The following SYT17 variants were observed in gnomAD, a reference collection of about 807,000 sequenced individuals.
The protein encoded by SYT17 is synaptotagmin-17.
SYT17 carries 22 observed loss-of-function variants against 46.7 expected under a neutral mutation model. The observed-to-expected ratio is 0.47, with a 90% CI of 0.34 to 0.67. The LOEUF (loss-of-function observed/expected upper bound fraction) is 0.67, where lower values mean the gene tolerates loss of function less well. SYT17 is among the 30% of genes least tolerant of loss of function. SYT17 has a pLI of 0.01. For missense variants in SYT17, 519 were observed against 612.8 expected (o/e 0.85, Z 1.62); for synonymous variants, 251 against 248.4 (o/e 1.01, Z -0.10).
intron 7 of SYT17, among the ~76,000 whole-genome samples, chr16:19,247,403 T>C (rs1967657124): frequency 6.6e-6 from 1 of 152,304 alleles, no homozygotes; most frequent in African/African-American, 2.4e-5. Flanking sequence ...TACATGTTGG[T>C]CAATTTTGAT....
intron 1 of SYT17, chr16:19,172,268 A>G: frequency 8.9e-7 from 1 of 1,128,640 alleles, no homozygotes; most frequent in Non-Finnish European, 1.1e-6. Flanking sequence ...GAAACACCCC[A>G]CCATCACCAT....
chr16:19,211,903 G>C (rs1465274181), intron 5 of SYT17, among the ~76,000 whole-genome samples: 1 of 152,158 alleles, frequency 6.6e-6, no homozygotes, highest in Non-Finnish European at 1.5e-5. Context: ...TGGGATTACA[G>C]GTGTGAGCCA....
chr16:19,241,403 A>G (rs1367362832), intron 7 of SYT17, among the ~76,000 whole-genome samples: 2 of 151,648 alleles, frequency 1.3e-5, no homozygotes, highest in Non-Finnish European at 2.9e-5. Flanking sequence ...CTGCAGCTGT[A>G]GCTAGGTGGC....
intron 5 of SYT17, among the ~76,000 whole-genome samples, chr16:19,189,479 C>G (rs1293752830): frequency 6.6e-6 from 1 of 152,152 alleles, no homozygotes; most frequent in South Asian, 2.1e-4. Flanking sequence ...TGGCTGGGAC[C>G]ATGTGGTACC....
intron 5 of SYT17, among the ~76,000 whole-genome samples, chr16:19,189,720 A>G (rs796438064): frequency 1.3e-5 from 2 of 152,228 alleles, no homozygotes; most frequent in South Asian, 4.1e-4. Context: ...TGGAATGGAA[A>G]GGAGAGGAGG....
chr16:19,216,326 C>T (rs929910864), intron 5 of SYT17, among the ~76,000 whole-genome samples: 1 of 151,886 alleles, frequency 6.6e-6, no homozygotes, highest in Non-Finnish European at 1.5e-5. Flanking sequence ...GTGCTTCAGT[C>T]TGTCTTGGGT....
chr16:19,207,056 A>G (rs1395517630), intron 5 of SYT17, among the ~76,000 whole-genome samples: 2 of 152,162 alleles, frequency 1.3e-5, no homozygotes, highest in African/African-American at 4.8e-5. Context: ...TTAGTTCTGC[A>G]CAAGAGCTGG....
At chr16:19,257,270 G>A (rs543728457) in intron 7 of SYT17, among the ~76,000 whole-genome samples, 1 of 152,094 alleles carries the variant, frequency 6.6e-6, no homozygotes, top group African/African-American at 2.4e-5. Flanking sequence ...CTTAAGTCAT[G>A]GATGAAACTT....
At chr16:19,232,839 T>TAAAG (rs1555461042) in intron 7 of SYT17, among the ~76,000 whole-genome samples, 2 of 150,116 alleles carry the variant, frequency 1.3e-5, no homozygotes, top group African/African-American at 4.9e-5. Context: ...CTCAAAAACA[T>TAAAG]AAACAAACAA....
chr16:19,180,622 T>C (rs1387474035), intron 4 of SYT17, 83 bp downstream of exon 4: 4 of 1,554,384 alleles, frequency 2.6e-6, no homozygotes, highest in Non-Finnish European at 3.5e-6. Context: ...AAGGGCAGTG[T>C]TATTGCTGGG....
chr16:19,223,243 C>T lies in SYT17; in HGVS notation c.1072+78C>T. On this transcript the variant is annotated intron_variant, in intron 6 of 7. Coordinates refer to ENST00000355377, the MANE Select transcript of SYT17 (RefSeq NM_016524.4). ...GTGTGGAGAACCCAGTTTTCTTTTT[C>T]CGTATCCTGGATGAGCATTACTCAT... 3 of 1,554,662 alleles carry T rather than the reference C, an allele frequency of 1.9e-6. No individual in the cohort carries two copies. The South Asian group carries it at 3.6e-5, about 18-fold the overall frequency.
chr16:19,172,186 G>A, intron 1 of SYT17: 1 of 298,370 alleles, frequency 3.4e-6, no homozygotes, highest in South Asian at 1.1e-4. Context: ...AACAGGAAGG[G>A]AGGACCTCCT....
rs188896473 is a variant in SYT17 at position 19,179,285 on chromosome 16, G to A, written c.183-1106G>A. On this transcript the variant is annotated intron_variant, in intron 3 of 7. Transcript: ENST00000355377. ...TATGACTACAAACACAGACCACCAT[G>A]CCCAGCTAATTTAAAAAATTTTTTT... is the stretch of plus-strand genomic sequence containing the variant. Among the ~76,000 whole-genome samples the A allele has an allele frequency of 5.9e-5, 9 of 152,202 alleles. No individual in the cohort carries two copies. The East Asian group carries it at 1.7e-3, about 29-fold the overall frequency.
At chr16:19,191,034 C>A (rs999421152) in intron 5 of SYT17, among the ~76,000 whole-genome samples, 1 of 151,894 alleles carries the variant, frequency 6.6e-6, no homozygotes, top group African/African-American at 2.4e-5. Flanking sequence ...GAAGGAAGAA[C>A]AAGGGCAGTG....
intron 7 of SYT17, among the ~76,000 whole-genome samples, chr16:19,260,813 T>A (rs1968924150): frequency 6.6e-6 from 1 of 152,152 alleles, no homozygotes; most frequent in Admixed American, 6.5e-5. Flanking sequence ...AAATTTTTAG[T>A]TATGGATGTT....
intron 5 of SYT17, among the ~76,000 whole-genome samples, chr16:19,200,900 G>A (rs1452480081): frequency 6.6e-6 from 1 of 152,200 alleles, no homozygotes; most frequent in South Asian, 2.1e-4. Context: ...CTGGGCAACC[G>A]AGAGGTGATG....
At chr16:19,229,603 A>T (rs1248980153) in intron 7 of SYT17, among the ~76,000 whole-genome samples, 2 of 152,248 alleles carry the variant, frequency 1.3e-5, no homozygotes, top group Non-Finnish European at 2.9e-5. Flanking sequence ...GGGGACACAG[A>T]GGCAAACCAT....
chr16:19,232,603 G>A (rs1002934125), intron 7 of SYT17, among the ~76,000 whole-genome samples: 1 of 152,072 alleles, frequency 6.6e-6, no homozygotes, highest in African/African-American at 2.4e-5. Context: ...GGCTGAAGGG[G>A]GCGGATCGTT....
intron 5 of SYT17, among the ~76,000 whole-genome samples, chr16:19,214,503 G>A (rs739581): frequency 0.36 from 54,561 of 151,830 alleles, 10,006 homozygotes; most frequent in Middle Eastern, 0.41. Context: ...CTTGGCCCTC[G>A]TCAGCTTTTA....
Sources: allele counts gnomAD v4.1 joint callset (sites outside exome capture counted in the v4.1 genomes callset), GRCh38; gene constraint gnomAD v4.1.1; transcripts MANE v1.5; gene names NCBI Gene and HGNC (gene_info 2026-07-23, HGNC 2026-07-21).